Variants in OR10J1 observed in about 807,000 individuals in gnomAD.
The protein encoded by OR10J1 is olfactory receptor family 10 subfamily J member 1, also known as olfactory receptor 10J1.
For synonymous variants in OR10J1, 202 were observed against 143.8 expected (o/e 1.40, Z -2.89); for missense variants, 474 against 376.6 (o/e 1.26, Z -2.14).
chr1:159,431,302 G>A, the OR10J1 span, among the ~76,000 whole-genome samples: 1 of 152,166 alleles, frequency 6.6e-6, no homozygotes, highest in Non-Finnish European at 1.5e-5. Flanking sequence ...AGAAGGCAGT[G>A]CTTTCTACCT....
At chr1:159,423,908 T>C in the OR10J1 span, among the ~76,000 whole-genome samples, 1 of 152,178 alleles carries the variant, frequency 6.6e-6, no homozygotes, top group Non-Finnish European at 1.5e-5. Flanking sequence ...TTTTATTAGA[T>C]ATGAATGGAC....
At chr1:159,417,938 T>A in the OR10J1 span, among the ~76,000 whole-genome samples, 2 of 152,154 alleles carry the variant, frequency 1.3e-5, no homozygotes, top group Non-Finnish European at 2.9e-5. Context: ...AGGTGATTCT[T>A]GTTATATTTT....
At chr1:159,406,128 G>T in the OR10J1 span, 1 of 463,738 alleles carries the variant, frequency 2.2e-6, no homozygotes, top group South Asian at 1.8e-5. Context: ...AAGCATATGG[G>T]GAGTAATGGC....
At chr1:159,409,612 A>G in the OR10J1 span, among the ~76,000 whole-genome samples, 4 of 152,078 alleles carry the variant, frequency 2.6e-5, no homozygotes, top group Non-Finnish European at 5.9e-5. Flanking sequence ...TTCCATCAAG[A>G]TAATTAACCA....
At chr1:159,399,141 T>C in the OR10J1 span, among the ~76,000 whole-genome samples, 1 of 151,880 alleles carries the variant, frequency 6.6e-6, no homozygotes, top group Non-Finnish European at 1.5e-5. Context: ...TGACATATTT[T>C]AAATGTTGAA....
the OR10J1 span, among the ~76,000 whole-genome samples, chr1:159,413,282 G>A: frequency 5.9e-5 from 9 of 152,122 alleles, no homozygotes; most frequent in Non-Finnish European, 7.4e-5. Context: ...TCAGTGTGGC[G>A]ATTCCTCAGG....
the OR10J1 span, among the ~76,000 whole-genome samples, chr1:159,409,716 C>T: frequency 6.6e-6 from 1 of 152,012 alleles, no homozygotes; most frequent in African/African-American, 2.4e-5. Context: ...ACAGCTTTTC[C>T]AATTTTTTAA....
At chr1:159,427,068 T>C in the OR10J1 span, among the ~76,000 whole-genome samples, 2 of 151,842 alleles carry the variant, frequency 1.3e-5, no homozygotes, top group African/African-American at 4.8e-5. Context: ...GACTCCTGTA[T>C]TAAGCTTTTT....
At chr1:159,425,570 A>C in the OR10J1 span, among the ~76,000 whole-genome samples, 1 of 151,834 alleles carries the variant, frequency 6.6e-6, no homozygotes, top group Non-Finnish European at 1.5e-5. Flanking sequence ...TTAATAACAG[A>C]GTTCAATTAC....
chr1:159,417,926 A>G, the OR10J1 span, among the ~76,000 whole-genome samples: 1 of 152,178 alleles, frequency 6.6e-6, no homozygotes, highest in Non-Finnish European at 1.5e-5. Flanking sequence ...GAACTGGAGT[A>G]AAGGTGATTC....
chr1:159,430,262 A>G, the OR10J1 span, among the ~76,000 whole-genome samples: 1 of 151,990 alleles, frequency 6.6e-6, no homozygotes, highest in Non-Finnish European at 1.5e-5. Flanking sequence ...TATCCAGCAT[A>G]TTCTCATTGA....
the OR10J1 span, among the ~76,000 whole-genome samples, chr1:159,415,510 T>C: frequency 6.6e-6 from 1 of 152,104 alleles, no homozygotes; most frequent in Non-Finnish European, 1.5e-5. Context: ...AGGTGATGCC[T>C]CTAGCTTTGT....
the OR10J1 span, among the ~76,000 whole-genome samples, chr1:159,401,846 ACAAAATACTAG>A: frequency 3.3e-5 from 5 of 152,086 alleles, no homozygotes; most frequent in Non-Finnish European, 5.9e-5. Context: ...TAAATCCTCA[ACAAAATACTAG>A]CAAACAGAAT....
At position 159,440,367 on chromosome 1, in the gene OR10J1, T is replaced by G; in HGVS notation, c.576T>G (p.Thr192=). The change falls in exon 1 of 1, where the codon ACT becomes ACG. Residue 192 remains threonine (T), a synonymous_variant. Transcript: ENST00000423932. ...TGAAGCTCTCCTGCATTGACACCAC[T>G]GTCAATGAAATCCTGACTTTGATTA... ...PVMKLSCIDT[T]VNEILTLIIS... 6.2e-7 allele frequency: 1 copy of G among 1,614,196 alleles called. No individual in the cohort carries two copies.
rs1295343661 is a variant in OR10J1, at chr1:159,440,442, T to C, written c.651T>C (p.Tyr217=). 6.2e-7 allele frequency: 1 copy of C among 1,614,146 alleles called. No homozygotes were observed. Among genetic ancestry groups the C allele is most frequent in the Non-Finnish European group, 8.5e-7 (1 of 1,180,030 alleles). The part of the protein sequence containing the change: ...VVPMGLVFIS[Y]VLIISTILKI... ...CTATGGGTCTGGTTTTCATTTCTTA[T>C]GTTCTCATTATCTCTACAATCCTCA... Residue 217 remains tyrosine, a synonymous_variant, in exon 1 of 1, where the codon TAT becomes TAC. Coordinates refer to ENST00000423932, the MANE Select transcript of OR10J1 (RefSeq NM_012351.3).
the OR10J1 span, among the ~76,000 whole-genome samples, chr1:159,415,343 A>G: frequency 1.2e-4 from 18 of 152,008 alleles, no homozygotes; most frequent in Non-Finnish European, 2.2e-4. Context: ...TTCCCAATGC[A>G]TGTTCTTAGT....
At chr1:159,437,304 C>T (rs977141245), upstream of OR10J1, among the ~76,000 whole-genome samples, 2 of 152,092 alleles carry the variant, frequency 1.3e-5, no homozygotes, top group Non-Finnish European at 2.9e-5. Flanking sequence ...ATGAACTGCC[C>T]TCTGCAGAAT....
chr1:159,420,743 A>G, the OR10J1 span, among the ~76,000 whole-genome samples: 4 of 151,790 alleles, frequency 2.6e-5, no homozygotes, highest in South Asian at 6.2e-4. Flanking sequence ...CATGGTCTGC[A>G]TGGTTTCTGC....
the OR10J1 span, among the ~76,000 whole-genome samples, chr1:159,418,514 C>T: frequency 7.9e-5 from 12 of 152,146 alleles, no homozygotes; most frequent in African/African-American, 1.4e-4. Flanking sequence ...AGTCAAGAAT[C>T]GAGGCTTGGG....
Sources: allele counts gnomAD v4.1 joint callset (sites outside exome capture counted in the v4.1 genomes callset), GRCh38; gene constraint gnomAD v4.1.1; transcripts MANE v1.5; gene names NCBI Gene and HGNC (gene_info 2026-07-23, HGNC 2026-07-21).